The following TBC1D22B variants were observed in gnomAD, a reference collection of about 807,000 sequenced individuals.
TBC1D22B encodes the protein chromosome 6 open reading frame 197.
A neutral mutation model predicts 69.1 loss-of-function variants in TBC1D22B; 32 were observed. The observed-to-expected ratio is 0.46, with a 90% CI of 0.35 to 0.62. TBC1D22B has a LOEUF of 0.62. TBC1D22B is among the 20% of genes least tolerant of loss of function. The probability of loss-of-function intolerance (pLI) is 0.00; values close to 1 mark genes in which losing one functional copy is unlikely to be tolerated. For missense variants in TBC1D22B, 462 were observed against 630.9 expected (o/e 0.73, Z 2.87); for synonymous variants, 206 against 229.8 (o/e 0.90, Z 0.94).
At position 37,307,491 on chromosome 6, in the gene TBC1D22B, G is replaced by T. The variant is rs370365488; in HGVS notation, c.983-5427G>T. ...CTGCCTCAGCCTCCTGAGTAGCTGG[G>T]ACTACAGGCACCTGCCACCATGCCC... On this transcript the variant is annotated intron_variant, in intron 8 of 12. Coordinates refer to ENST00000373491, the MANE Select transcript of TBC1D22B (RefSeq NM_017772.4). Among the ~76,000 whole-genome samples the T allele has an allele frequency of 1.5e-3, 224 of 151,968 alleles. 1 individual carries two copies. Among genetic ancestry groups the T allele is most frequent in the African/African-American group, 5.1e-3 (211 of 41,454 alleles).
intron 11 of TBC1D22B, 109 bp from the exon 12 acceptor site, chr6:37,317,002 C>T: frequency 6.9e-7 from 1 of 1,456,502 alleles, no homozygotes; most frequent in Non-Finnish European, 9.4e-7. Flanking sequence ...AACTCCATCT[C>T]CCCAACCGTG....
At chr6:37,266,153 C>A (rs138900696) in intron 1 of TBC1D22B, among the ~76,000 whole-genome samples, 18 of 152,106 alleles carry the variant, frequency 1.2e-4, no homozygotes, top group African/African-American at 4.3e-4. Flanking sequence ...TTCTCAAGAT[C>A]GCTTATTTCT....
rs543727454 is a variant in TBC1D22B, at chr6:37,296,349, C to T, written c.982+4992C>T. Among the ~76,000 whole-genome samples, 63 of 152,204 alleles carry T rather than the reference C, an allele frequency of 4.1e-4. 1 individual carries two copies. The South Asian group carries it at 0.013, about 32-fold the overall frequency. ...ACAGGATCTCACTCTGTCACCCAGGCTGGATTGATTGATTGATCGAGACAG... is the reference window on the plus strand; with the variant it reads ...ACAGGATCTCACTCTGTCACCCAGGTTGGATTGATTGATTGATCGAGACAG... On this transcript the variant is annotated intron_variant, in intron 8 of 12. Coordinates refer to ENST00000373491, the MANE Select transcript of TBC1D22B (RefSeq NM_017772.4).
chr6:37,301,639 C>G (rs983199690), intron 8 of TBC1D22B, among the ~76,000 whole-genome samples: 2 of 152,196 alleles, frequency 1.3e-5, no homozygotes, highest in Admixed American at 1.3e-4. Context: ...CTGTCAGTTG[C>G]TGGATATAAA....
rs192074619 is a variant in TBC1D22B at position 37,298,670 on chromosome 6, C to A, written c.982+7313C>A. On this transcript the variant is annotated intron_variant, in intron 8 of 12. Transcript: ENST00000373491. ...ACGCCATTCTCTTGCCTCAGCCTCC[C>A]GATTAGCTGGGACTACAGGCGCCCG... Among the ~76,000 whole-genome samples the A allele has an allele frequency of 3.6e-3, 549 of 151,632 alleles. 2 individuals carry two copies. Among genetic ancestry groups the A allele is most frequent in the African/African-American group, 0.012 (510 of 41,306 alleles).
intron 8 of TBC1D22B, among the ~76,000 whole-genome samples, chr6:37,293,276 A>G (rs1767250973): frequency 6.6e-6 from 1 of 151,764 alleles, no homozygotes; most frequent in African/African-American, 2.4e-5. Context: ...ATGGGGTTTC[A>G]CCATGTTAGC....
chr6:37,293,086 T>TA (rs1478382737), intron 8 of TBC1D22B, among the ~76,000 whole-genome samples: 6 of 149,904 alleles, frequency 4.0e-5, no homozygotes, highest in African/African-American at 1.2e-4. Flanking sequence ...TTATTATTAT[T>TA]TTTTTTTTTG....
rs1768576987 is a variant in TBC1D22B at position 37,331,322 on chromosome 6, C to T, written c.*150C>T. On this transcript the variant is annotated 3_prime_UTR_variant, in exon 13 of 13. Coordinates refer to ENST00000373491, the MANE Select transcript of TBC1D22B (RefSeq NM_017772.4). Reference sequence around the variant, plus strand: ...GCCCAGGTCTTAACTTTCTGGCATCCACCACTCCATGTCTCTGGATGTGTC... The same window carrying T: ...GCCCAGGTCTTAACTTTCTGGCATCTACCACTCCATGTCTCTGGATGTGTC... 1 of 714,488 alleles carries T rather than the reference C, an allele frequency of 1.4e-6. No individual in the cohort carries two copies. 44.3% of individuals were successfully genotyped at this position (714,488 alleles called of 1,614,324 possible). A position where few individuals can be genotyped will look rare whatever the true frequency, so the allele number is the denominator to read the frequency against.
At chr6:37,319,696 C>G (rs186182396) in intron 12 of TBC1D22B, among the ~76,000 whole-genome samples, 1 of 152,034 alleles carries the variant, frequency 6.6e-6, no homozygotes, top group African/African-American at 2.4e-5. Flanking sequence ...ATAGAATGGG[C>G]GATTAAACTG....
At chr6:37,319,112 C>T (rs759679814) in intron 12 of TBC1D22B, among the ~76,000 whole-genome samples, 1 of 152,146 alleles carries the variant, frequency 6.6e-6, no homozygotes, top group Non-Finnish European at 1.5e-5. Flanking sequence ...AAAGACAGGA[C>T]CCAGCTTGCC....
intron 8 of TBC1D22B, among the ~76,000 whole-genome samples, chr6:37,292,576 A>AT (rs905829046): frequency 2.3e-4 from 35 of 151,898 alleles, no homozygotes; most frequent in African/African-American, 8.5e-4. Flanking sequence ...ATCTGTTGTG[A>AT]TTTTTTAGTT....
At chr6:37,265,468 G>A (rs1766240155) in intron 1 of TBC1D22B, among the ~76,000 whole-genome samples, 2 of 151,688 alleles carry the variant, frequency 1.3e-5, no homozygotes, top group South Asian at 4.1e-4. Context: ...TTGTGGGCTT[G>A]AAGAATTCAG....
At chr6:37,330,024 C>T (rs1562072340) in intron 12 of TBC1D22B, among the ~76,000 whole-genome samples, 2 of 152,102 alleles carry the variant, frequency 1.3e-5, no homozygotes, top group South Asian at 2.1e-4. Context: ...CTGGAGTATT[C>T]GGATCAGCTA....
At chr6:37,276,688 T>G (rs1449947203) in intron 2 of TBC1D22B, among the ~76,000 whole-genome samples, 1 of 152,118 alleles carries the variant, frequency 6.6e-6, no homozygotes, top group Non-Finnish European at 1.5e-5. Context: ...CCCAGCACTT[T>G]GGGAGGCCGA....
intron 1 of TBC1D22B, among the ~76,000 whole-genome samples, chr6:37,263,603 G>C (rs1266857890): frequency 6.6e-6 from 1 of 152,088 alleles, no homozygotes; most frequent in African/African-American, 2.4e-5. Flanking sequence ...TTGTTTTTTT[G>C]ACATGGAGTC....
chr6:37,307,474 GC>G (rs1209939326), intron 8 of TBC1D22B, among the ~76,000 whole-genome samples: 1 of 151,424 alleles, frequency 6.6e-6, no homozygotes, highest in Non-Finnish European at 1.5e-5. Context: ...TCCTGCCTCA[GC>G]CTCCTGAGTA....
chr6:37,319,338 C>T (rs1017025797), intron 12 of TBC1D22B, among the ~76,000 whole-genome samples: 6 of 152,108 alleles, frequency 3.9e-5, no homozygotes, highest in Non-Finnish European at 8.8e-5. Flanking sequence ...GAGGTGGAGC[C>T]GGATAGTAAG....
intron 8 of TBC1D22B, 55 bp downstream of exon 8, chr6:37,291,412 C>T (rs1425996466): frequency 1.5e-6 from 2 of 1,307,298 alleles, no homozygotes; most frequent in Non-Finnish European, 2.1e-6. Context: ...TATCTGCCGT[C>T]TGTCTGTTTG....
intron 1 of TBC1D22B, among the ~76,000 whole-genome samples, chr6:37,263,863 C>T (rs557687088): frequency 3.9e-5 from 6 of 152,118 alleles, no homozygotes; most frequent in East Asian, 1.9e-4. Flanking sequence ...GGATTACAGG[C>T]GTGAGCCACT....
Sources: allele counts gnomAD v4.1 joint callset (sites outside exome capture counted in the v4.1 genomes callset), GRCh38; gene constraint gnomAD v4.1.1; transcripts MANE v1.5; gene names NCBI Gene and HGNC (gene_info 2026-07-23, HGNC 2026-07-21).